Variants in FBXW12 observed in about 807,000 individuals in gnomAD.
FBXW12 encodes F-box and WD repeat domain containing 12, also known as F-box/WD repeat-containing protein 12.
Under a neutral mutation model 55.3 loss-of-function variants are expected in FBXW12, and 43 were observed. The observed-to-expected ratio is 0.78, with a 90% CI of 0.61 to 1.00. The LOEUF is 1.00. Ranked by LOEUF, FBXW12 falls within the 50% of genes least tolerant of loss-of-function variation. The pLI is 0.00. For missense variants in FBXW12, 524 were observed against 560.5 expected (o/e 0.93, Z 0.66); for synonymous variants, 184 against 203.8 (o/e 0.90, Z 0.83).
Position 48,373,530 on chromosome 3 carries a change from C to CTGTGA in FBXW12, c.129-17_129-13dup. ...ACTGACTGAGAACAGCCTGATGGGA[C>CTGTGA]TGTGACTCTGTTTCCAGGTCACTAT... is the stretch of plus-strand genomic sequence containing the variant. On this transcript the variant is annotated splice_polypyrimidine_tract_variant and intron_variant, in intron 3 of 10. Transcript: ENST00000296438. 2 of 1,611,088 alleles carry CTGTGA rather than the reference C, an allele frequency of 1.2e-6. No homozygotes were observed. Among genetic ancestry groups the CTGTGA allele is most frequent in the Non-Finnish European group, 1.7e-6 (2 of 1,177,538 alleles).
Position 48,373,708 on chromosome 3 carries a change from A to T in FBXW12, c.286+3A>T, listed in dbSNP as rs201577583. The T allele has an allele frequency of 6.2e-7, 1 of 1,613,436 alleles. No homozygotes were observed. Among genetic ancestry groups the T allele is most frequent in the South Asian group, 1.1e-5 (1 of 91,024 alleles). ...CTACAAAGTAACTAAGAACATCGGT[A>T]TGGGTATAGGTGCCCTAGAGGAACA... is the stretch of plus-strand genomic sequence containing the variant. On this transcript the variant is annotated splice_donor_region_variant and intron_variant, in intron 4 of 10. Transcript: ENST00000296438.
At chr3:48,391,317 TACACACACACAC>T (rs140067012) in intron 10 of FBXW12, among the ~76,000 whole-genome samples, 27 of 133,182 alleles carry the variant, frequency 2.0e-4, no homozygotes, top group Admixed American at 7.3e-4. Context: ...TATCTATCTA[TACACACACACAC>T]ACACACACAC....
rs764187156 is a variant in FBXW12, at chr3:48,381,787, C to T, written c.1073C>T (p.Thr358Ile). 1 of 1,612,754 alleles carries T rather than the reference C, an allele frequency of 6.2e-7. No individual in the cohort carries two copies. Among genetic ancestry groups the T allele is most frequent in the East Asian group, 2.2e-5 (1 of 44,842 alleles). ...AGTGATGGATATATGATTGTCTTTA[C>T]CAGTGGACCATACTTGTTACTCTTC... is the stretch of plus-strand genomic sequence containing the variant. ...GASDGYMIVF[T>I]SGPYLLLFSI... Residue 358 changes from threonine to isoleucine, a missense_variant, in exon 9 of 11, where the codon ACC (threonine) becomes ATC (isoleucine). Thr to Ile is a moderately conservative substitution (Grantham distance 89). Transcript: ENST00000296438.
At chr3:48,386,129 C>T (rs2036844574) in intron 10 of FBXW12, among the ~76,000 whole-genome samples, 2 of 152,210 alleles carry the variant, frequency 1.3e-5, no homozygotes, top group Admixed American at 1.3e-4. Flanking sequence ...TCTTGTAGTT[C>T]AGGTTTTATA....
intron 10 of FBXW12, among the ~76,000 whole-genome samples, chr3:48,393,860 C>G (rs1487730207): frequency 6.7e-6 from 1 of 149,526 alleles, no homozygotes; most frequent in African/African-American, 2.5e-5. Flanking sequence ...CTCACTACAA[C>G]CTCCGCCTCC....
rs2036777097 is a variant in FBXW12, at chr3:48,381,693, A to G, written c.986-7A>G. ...TGTATATATATGTGCGTTTTACATG[A>G]AAACAGCATATGAGATCGCAAGTTT... On this transcript the variant is annotated splice_region_variant and splice_polypyrimidine_tract_variant and intron_variant, in intron 8 of 10. Coordinates refer to ENST00000296438, the MANE Select transcript of FBXW12 (RefSeq NM_207102.2). The G allele has an allele frequency of 6.5e-7, 1 of 1,548,382 alleles. No individual in the cohort carries two copies. The highest frequency in any genetic ancestry group is 8.7e-7 in the Non-Finnish European group (1 of 1,146,638).
intron 5 of FBXW12, among the ~76,000 whole-genome samples, chr3:48,376,512 G>A (rs906786043): frequency 6.6e-6 from 1 of 152,166 alleles, no homozygotes; most frequent in African/African-American, 2.4e-5. Context: ...TCAAAACTGA[G>A]TGTGGCTTTT....
At chr3:48,385,176 C>T (rs1304888507) in intron 10 of FBXW12, among the ~76,000 whole-genome samples, 1 of 151,928 alleles carries the variant, frequency 6.6e-6, no homozygotes, top group African/African-American at 2.4e-5. Flanking sequence ...TCTGTGAGTT[C>T]GATTTTTTGT....
Position 48,373,686 on chromosome 3 carries a change from C to T in FBXW12, c.267C>T (p.Tyr89=). Residue 89 remains tyrosine (Y), a synonymous_variant, in exon 4 of 11, where the codon TAC becomes TAT. Coordinates refer to ENST00000296438, the MANE Select transcript of FBXW12 (RefSeq NM_207102.2). ...LALAQPHNFI[Y]KVTKNIAFET... is the part of the protein sequence containing the mutation. The stretch of plus-strand genomic sequence containing the variant: ...TGGCACAGCCGCATAACTTTATCTA[C>T]AAAGTAACTAAGAACATCGGTATGG... 6.2e-7 allele frequency: 1 copy of T among 1,614,004 alleles called. No homozygotes were observed.
rs1371868541 is a variant in FBXW12, at chr3:48,378,411, A to G, written c.500A>G (p.Lys167Arg). The G allele has an allele frequency of 6.2e-7, 1 of 1,614,048 alleles. No individual in the cohort carries two copies. The highest frequency in any genetic ancestry group is 2.2e-5 in the East Asian group (1 of 44,868). ...QMHLAITMDR[K>R]KTIKVWNCQD... ...CATCTCGCCATCACTATGGATCGGA[A>G]AAAAACTATCAAAGTGTGGAACTGT... The change falls in exon 6 of 11, where the codon AAA (lysine) becomes AGA (arginine). Residue 167 changes from lysine to arginine, a missense_variant. Physicochemically the swap from Lys to Arg is conservative, Grantham distance 26. Transcript: ENST00000296438.
At chr3:48,393,016 A>C (rs2036953157) in intron 10 of FBXW12, among the ~76,000 whole-genome samples, 1 of 125,308 alleles carries the variant, frequency 8.0e-6, no homozygotes, top group Admixed American at 9.2e-5. Context: ...TTTTTTTGAG[A>C]CAAAGTCTCA....
At chr3:48,377,930 A>G (rs544631298) in intron 5 of FBXW12, among the ~76,000 whole-genome samples, 1 of 152,200 alleles carries the variant, frequency 6.6e-6, no homozygotes, top group Non-Finnish European at 1.5e-5. Flanking sequence ...TAGTTAATAC[A>G]TTTTGGGTTC....
chr3:48,384,544 A>G (rs938907348), intron 10 of FBXW12, among the ~76,000 whole-genome samples: 1 of 152,196 alleles, frequency 6.6e-6, no homozygotes, highest in African/African-American at 2.4e-5. Flanking sequence ...TGCATTGGCT[A>G]TAACCTCCTG....
At position 48,381,314 on chromosome 3, in the gene FBXW12, A is replaced by G. The variant is rs550415570; in HGVS notation, c.986-386A>G. Reference sequence around the variant, plus strand: ...TGGGATTACAGGAGTGAGCCATCGCACCCGGCCAGGAGCAGGGGATTTCTT... The same window carrying G: ...TGGGATTACAGGAGTGAGCCATCGCGCCCGGCCAGGAGCAGGGGATTTCTT... On this transcript the variant is annotated intron_variant, in intron 8 of 10. Transcript: ENST00000296438. 1.1e-4 allele frequency among the ~76,000 whole-genome samples: 16 copies of G among 151,744 alleles called. No individual in the cohort carries two copies. The South Asian group carries it at 3.1e-3, about 30-fold the overall frequency.
At chr3:48,373,131 G>A (rs1408146119) in intron 2 of FBXW12, among the ~76,000 whole-genome samples, 177 bp from the exon 3 acceptor site, 1 of 152,190 alleles carries the variant, frequency 6.6e-6, no homozygotes, top group Admixed American at 6.5e-5. Context: ...TATTAGCAGT[G>A]ATAGGTCTCT....
intron 7 of FBXW12, chr3:48,379,870 C>T (rs2036741198): frequency 3.5e-6 from 1 of 282,780 alleles, no homozygotes; most frequent in Non-Finnish European, 6.8e-6. Flanking sequence ...GTCCCACTTA[C>T]TCAGAAGGCT....
chr3:48,393,179 A>G (rs2036956322), intron 10 of FBXW12, among the ~76,000 whole-genome samples: 1 of 152,030 alleles, frequency 6.6e-6, no homozygotes, highest in Non-Finnish European at 1.5e-5. Context: ...TATTTTTAGT[A>G]GAGACTGGGT....
rs1410502427 is a variant in FBXW12 at position 48,382,459 on chromosome 3, G to GT, written c.1295+374_1295+375insT. 6.2e-3 allele frequency among the ~76,000 whole-genome samples: 789 copies of GT among 127,276 alleles called. 5 individuals carry two copies. Among genetic ancestry groups the GT allele is most frequent in the African/African-American group, 0.02 (732 of 36,872 alleles). The allele number at this position is 127,276 out of a possible 152,430, so 83.5% of individuals were successfully genotyped here. A position where few individuals can be genotyped will look rare whatever the true frequency, so the allele number is the denominator to read the frequency against. ...TCAAGATGAATGAAGGGAAAACAGG[G>GT]GTTTTTTTTTTTAAGGTTCTCTGAG... On this transcript the variant is annotated intron_variant, in intron 10 of 10. Transcript: ENST00000296438.
At chr3:48,390,196 T>A (rs1410039136) in intron 10 of FBXW12, among the ~76,000 whole-genome samples, 1 of 152,164 alleles carries the variant, frequency 6.6e-6, no homozygotes, top group Non-Finnish European at 1.5e-5. Flanking sequence ...GGCTATTTAA[T>A]ATGGAATCAG....
Sources: gnomAD v4.1 joint callset for allele counts (sites outside exome capture counted in the v4.1 genomes callset) on GRCh38, gnomAD v4.1.1 for gene constraint, MANE v1.5 for transcripts, NCBI Gene and HGNC (gene_info 2026-07-23, HGNC 2026-07-21) for gene names.